The following TMED10 variants were observed in gnomAD, a reference collection of about 807,000 sequenced individuals.
TMED10 encodes the protein transmembrane p24 trafficking protein 10, also known as transmembrane emp24 domain-containing protein 10.
A neutral mutation model predicts 23.1 loss-of-function variants in TMED10; 7 were observed. The observed-to-expected ratio is 0.30, with a 90% confidence interval of 0.17 to 0.57. The LOEUF (loss-of-function observed/expected upper bound fraction) is 0.57, where lower values mean the gene tolerates loss of function less well. Ranked by LOEUF, TMED10 falls within the 20% of genes least tolerant of loss-of-function variation. TMED10 has a pLI of 0.91. For synonymous variants in TMED10, 113 were observed against 106.9 expected (o/e 1.06, Z -0.35); for missense variants, 162 against 274.8 (o/e 0.59, Z 2.90).
In TMED10 at chr14:75,162,343, G is replaced by C. The variant is rs532648742; in HGVS notation, c.226-10200C>G. 1.1e-4 allele frequency among the ~76,000 whole-genome samples: 16 copies of C among 152,222 alleles called. No individual in the cohort carries two copies. In the South Asian group the frequency reaches 3.3e-3, roughly 32 times the overall value. Reference sequence around the variant, plus strand: ...TGTCAAAGGGACACAGGAACCTAAAGGGCTCCCAATAGCTAAAGCTGAAAC... The same window carrying C: ...TGTCAAAGGGACACAGGAACCTAAACGGCTCCCAATAGCTAAAGCTGAAAC... On this transcript the variant is annotated intron_variant, in intron 1 of 4. Transcript: ENST00000303575.
intron 1 of TMED10, among the ~76,000 whole-genome samples, chr14:75,156,396 G>A (rs552377713): frequency 6.6e-6 from 1 of 152,084 alleles, no homozygotes; most frequent in East Asian, 1.9e-4. Context: ...GGGATTTTAA[G>A]GAGGTAGAGT....
chr14:75,143,700 G>A (rs953585961), intron 3 of TMED10, among the ~76,000 whole-genome samples: 1 of 152,114 alleles, frequency 6.6e-6, no homozygotes, highest in Non-Finnish European at 1.5e-5. Context: ...TTGGGAGGCC[G>A]AGGTGGCCAG....
At chr14:75,135,914 C>CTCTTT (rs777480706) in intron 3 of TMED10, 28 bp from the exon 4 acceptor site, 1 of 1,611,142 alleles carries the variant, frequency 6.2e-7, no homozygotes, top group South Asian at 1.1e-5. Context: ...ATTTTCAGCT[C>CTCTTT]TCTGAAAACA....
chr14:75,140,703 C>CA (rs1032761013), intron 3 of TMED10, among the ~76,000 whole-genome samples: 84 of 151,932 alleles, frequency 5.5e-4, no homozygotes, highest in African/African-American at 2.0e-3. Flanking sequence ...GACTCTGTCT[C>CA]AAAAAAATAA....
At position 75,132,857 on chromosome 14, in the gene TMED10, G is replaced by C. The variant is rs1206283592; in HGVS notation, c.*2028C>G. 1 of 152,510 alleles carries C rather than the reference G, an allele frequency of 6.6e-6. No homozygotes were observed. Among genetic ancestry groups the C allele is most frequent in the Non-Finnish European group, 1.5e-5 (1 of 68,024 alleles). 9.4% of individuals were successfully genotyped at this position (152,510 alleles called of 1,614,324 possible). A position where few individuals can be genotyped will look rare whatever the true frequency, so the allele number is the denominator to read the frequency against. On this transcript the variant is annotated 3_prime_UTR_variant, in exon 5 of 5. Coordinates refer to ENST00000303575, the MANE Select transcript of TMED10 (RefSeq NM_006827.6). ...TAAACAAGCCCTGTAATAGTCAGCA[G>C]GGTTAAAAAGAGATTACGGAAAGGA...
At chr14:75,170,779 A>G (rs902213350) in intron 1 of TMED10, among the ~76,000 whole-genome samples, 1 of 152,248 alleles carries the variant, frequency 6.6e-6, no homozygotes, top group South Asian at 2.1e-4. Context: ...ATTTTAGGAT[A>G]ATCAGATGAT....
At chr14:75,138,472 C>T (rs1311084387) in intron 3 of TMED10, among the ~76,000 whole-genome samples, 1 of 152,124 alleles carries the variant, frequency 6.6e-6, no homozygotes, top group Non-Finnish European at 1.5e-5. Flanking sequence ...TGGCCAAATG[C>T]CAGGTTTTGT....
intron 1 of TMED10, among the ~76,000 whole-genome samples, chr14:75,160,677 C>T (rs1488726673): frequency 2.0e-5 from 3 of 152,040 alleles, no homozygotes; most frequent in Non-Finnish European, 4.4e-5. Context: ...CATATGACAT[C>T]AAGGAATAGG....
intron 1 of TMED10, among the ~76,000 whole-genome samples, chr14:75,160,555 A>G (rs1896073756): frequency 6.6e-6 from 1 of 152,198 alleles, no homozygotes; most frequent in African/African-American, 2.4e-5. Flanking sequence ...ACCTACTATA[A>G]TAGCAAGACC....
intron 3 of TMED10, chr14:75,136,825 G>A (rs1594863385): frequency 1.3e-5 from 2 of 152,194 alleles, no homozygotes; most frequent in African/African-American, 2.4e-5. Context: ...TGTATGCTGA[G>A]GAATGAAGGA....
At chr14:75,141,556 A>T (rs529690275) in intron 3 of TMED10, among the ~76,000 whole-genome samples, 1 of 152,334 alleles carries the variant, frequency 6.6e-6, no homozygotes, top group East Asian at 1.9e-4. Flanking sequence ...TCGTAACCCT[A>T]TAAGGTGAAT....
chr14:75,164,492 A>G (rs145354109), intron 1 of TMED10, among the ~76,000 whole-genome samples: 3,168 of 141,618 alleles, frequency 0.022, 90 homozygotes, highest in African/African-American at 0.057. Flanking sequence ...CGGCCTCCCA[A>G]AGTGCTGGGA....
At chr14:75,162,808 G>GA (rs959273263) in intron 1 of TMED10, among the ~76,000 whole-genome samples, 50 of 146,354 alleles carry the variant, frequency 3.4e-4, no homozygotes, top group South Asian at 3.0e-3. Flanking sequence ...GTTTTGACAA[G>GA]AAAAAAAAAA....
At chr14:75,162,603 G>A (rs1280931074) in intron 1 of TMED10, among the ~76,000 whole-genome samples, 1 of 151,840 alleles carries the variant, frequency 6.6e-6, no homozygotes, top group African/African-American at 2.4e-5. Context: ...ACACAGAATA[G>A]AAAGGGGGAA....
chr14:75,154,612 T>G (rs1895999845), intron 1 of TMED10, among the ~76,000 whole-genome samples: 1 of 152,032 alleles, frequency 6.6e-6, no homozygotes. Flanking sequence ...ATTAGTCAAC[T>G]GTCTTCTGCC....
In TMED10 at chr14:75,154,323, A is replaced by G. The variant is rs544805375; in HGVS notation, c.226-2180T>C. 5.2e-5 allele frequency among the ~76,000 whole-genome samples: 7 copies of G among 133,704 alleles called. No homozygotes were observed. The East Asian group carries it at 1.7e-3, about 33-fold the overall frequency. The allele number at this position is 133,704 out of a possible 152,430, so 87.7% of individuals were successfully genotyped here. On this transcript the variant is annotated intron_variant, in intron 1 of 4. Coordinates refer to ENST00000303575, the MANE Select transcript of TMED10 (RefSeq NM_006827.6). ...AGGCTGAGGCAGGATAATCGCTTGAACCCGGGAGGCAGAAGTTGCGGTGAG... is the reference window on the plus strand; with the variant it reads ...AGGCTGAGGCAGGATAATCGCTTGAGCCCGGGAGGCAGAAGTTGCGGTGAG...
Position 75,133,372 on chromosome 14 carries a change from ATT to A in TMED10, c.*1511_*1512del, listed in dbSNP as rs1452826029. On this transcript the variant is annotated 3_prime_UTR_variant, in exon 5 of 5. Coordinates refer to ENST00000303575, the MANE Select transcript of TMED10 (RefSeq NM_006827.6). Reference sequence around the variant, plus strand: ...ACCGAAGAGGATACATAGATGGCAAATTAGCACACAAAAAGATACTCAACATC... The same window carrying A: ...ACCGAAGAGGATACATAGATGGCAAAAGCACACAAAAAGATACTCAACATC... 1.3e-5 allele frequency: 2 copies of A among 152,270 alleles called. No homozygotes were observed. Among genetic ancestry groups the A allele is most frequent in the Non-Finnish European group, 2.9e-5 (2 of 68,044 alleles). The allele number at this position is 152,270 out of a possible 1,614,324, so 9.4% of individuals were successfully genotyped here.
intron 1 of TMED10, among the ~76,000 whole-genome samples, chr14:75,171,009 T>C (rs1896226499): frequency 6.6e-6 from 1 of 152,196 alleles, no homozygotes; most frequent in African/African-American, 2.4e-5. Context: ...GTCCACATCC[T>C]AATCCCTAGA....
chr14:75,137,852 G>GAGTAGCCTCCTGAGTAGC (rs1895772545), intron 3 of TMED10, among the ~76,000 whole-genome samples: 12 of 151,910 alleles, frequency 7.9e-5, no homozygotes, highest in African/African-American at 2.9e-4. Context: ...GGGATTACAG[G>GAGTAGCCTCCTGAGTAGC]TGTGTGCCAC....
Sources: allele counts gnomAD v4.1 joint callset (sites outside exome capture counted in the v4.1 genomes callset), GRCh38; gene constraint gnomAD v4.1.1; transcripts MANE v1.5; gene names NCBI Gene and HGNC (gene_info 2026-07-23, HGNC 2026-07-21).